The following DAB1 variants were observed in gnomAD, a reference collection of about 807,000 sequenced individuals.
DAB1 encodes the protein disabled homolog 1.
A neutral mutation model predicts 64.6 loss-of-function variants in DAB1; 15 were observed. The ratio of observed to expected loss-of-function variants is 0.23; its 90% CI spans 0.16 to 0.36. The LOEUF is 0.36. DAB1 is among the 10% of genes least tolerant of loss of function. The pLI is 1.00. For missense variants in DAB1, 596 were observed against 706.7 expected (o/e 0.84, Z 1.78); for synonymous variants, 235 against 251.9 (o/e 0.93, Z 0.64).
chr1:58,337,313 A>C (rs1663143494), intron 4 of DAB1, among the ~76,000 whole-genome samples: 1 of 151,960 alleles, frequency 6.6e-6, no homozygotes, highest in Non-Finnish European at 1.5e-5. Context: ...CAAAGTAAAA[A>C]ATAAAATAAC....
intron 2 of DAB1, among the ~76,000 whole-genome samples, chr1:57,227,522 TG>T (rs1390454375): frequency 6.1e-5 from 6 of 99,060 alleles, no homozygotes; most frequent in African/African-American, 3.5e-4. Flanking sequence ...TTTTCTTTTG[TG>T]TGTGTGTGTG....
At chr1:57,144,707 G>GA (rs375007760) in intron 3 of DAB1, among the ~76,000 whole-genome samples, 3,971 of 144,882 alleles carry the variant, frequency 0.027, 204 homozygotes, top group African/African-American at 0.096. Context: ...AAAAAAAAAA[G>GA]AAAAAAAAAA....
chr1:58,089,226 G>T (rs1650494743), intron 5 of DAB1, among the ~76,000 whole-genome samples: 1 of 152,210 alleles, frequency 6.6e-6, no homozygotes, highest in African/African-American at 2.4e-5. Flanking sequence ...AATTTTTGGG[G>T]GAAGACGTTA....
intron 4 of DAB1, among the ~76,000 whole-genome samples, chr1:58,314,031 T>A (rs897575246): frequency 1.3e-5 from 2 of 152,124 alleles, no homozygotes; most frequent in Non-Finnish European, 2.9e-5. Context: ...AATATCATAA[T>A]TTTTCTTTGC....
At chr1:57,741,590 C>T (rs1468736323) in intron 6 of DAB1, among the ~76,000 whole-genome samples, 1 of 152,196 alleles carries the variant, frequency 6.6e-6, no homozygotes, top group Non-Finnish European at 1.5e-5. Context: ...GAATAATGCT[C>T]AGCCATTTCT....
chr1:58,300,165 G>C (rs1273123311), intron 4 of DAB1, among the ~76,000 whole-genome samples: 1 of 152,132 alleles, frequency 6.6e-6, no homozygotes, highest in Non-Finnish European at 1.5e-5. Context: ...AGAAAAAGGG[G>C]CTTCTGGGAT....
chr1:57,273,705 C>T (rs975746507), intron 2 of DAB1, among the ~76,000 whole-genome samples: 1 of 150,694 alleles, frequency 6.6e-6, no homozygotes, highest in Non-Finnish European at 1.5e-5. Flanking sequence ...CCTAGCCGCC[C>T]CTGGCTGCTT....
chr1:58,408,059 A>C (rs338913), intron 3 of DAB1, among the ~76,000 whole-genome samples: 1 of 152,024 alleles, frequency 6.6e-6, no homozygotes, highest in Non-Finnish European at 1.5e-5. Context: ...CAGCAGCCTC[A>C]GCATCGCCTG....
intron 4 of DAB1, among the ~76,000 whole-genome samples, chr1:58,264,367 G>A (rs916613426): frequency 6.6e-5 from 10 of 152,184 alleles, no homozygotes; most frequent in African/African-American, 2.4e-4. Flanking sequence ...TGTCTGTAAT[G>A]TGTTGGCTTT....
intron 3 of DAB1, among the ~76,000 whole-genome samples, chr1:58,497,769 C>A (rs747026747): frequency 6.6e-6 from 1 of 152,162 alleles, no homozygotes; most frequent in African/African-American, 2.4e-5. Flanking sequence ...ACATAACAAA[C>A]CTTACCCTTG....
At chr1:58,219,025 C>CTCTCTGTGTGTG (rs376130413) in intron 4 of DAB1, among the ~76,000 whole-genome samples, 3 of 129,550 alleles carry the variant, frequency 2.3e-5, no homozygotes, top group African/African-American at 6.2e-5. Flanking sequence ...CTCTCTCTCT[C>CTCTCTGTGTGTG]TGTGTGTGTG....
At chr1:57,340,284 A>G (rs1677464909) in intron 1 of DAB1, among the ~76,000 whole-genome samples, 1 of 152,222 alleles carries the variant, frequency 6.6e-6, no homozygotes, top group Non-Finnish European at 1.5e-5. Context: ...AGGCAAATTA[A>G]TGCCTGTACA....
intron 7 of DAB1, among the ~76,000 whole-genome samples, chr1:57,637,090 T>C (rs1446681790): frequency 6.6e-6 from 1 of 152,138 alleles, no homozygotes; most frequent in African/African-American, 2.4e-5. Flanking sequence ...TCTTTGTGCT[T>C]TACTAATATT....
intron 3 of DAB1, among the ~76,000 whole-genome samples, chr1:58,489,774 G>T (rs1645645308): frequency 6.6e-6 from 1 of 152,094 alleles, no homozygotes; most frequent in South Asian, 2.1e-4. Flanking sequence ...CAGCAACATT[G>T]GCTGTTCACC....
At chr1:58,498,621 ACT>A (rs146558993) in intron 3 of DAB1, among the ~76,000 whole-genome samples, 2,498 of 152,166 alleles carry the variant, frequency 0.016, 53 homozygotes, top group East Asian at 0.12. Context: ...CAGAACAAAA[ACT>A]CTATAAAGGA....
intron 7 of DAB1, among the ~76,000 whole-genome samples, chr1:57,508,168 CT>C (rs1286362565): frequency 6.6e-6 from 1 of 152,188 alleles, no homozygotes; most frequent in African/African-American, 2.4e-5. Flanking sequence ...ATCTCTGCAA[CT>C]TTCCCCGAAC....
intron 1 of DAB1, among the ~76,000 whole-genome samples, chr1:57,298,586 C>T (rs1437035003): frequency 6.6e-6 from 1 of 152,080 alleles, no homozygotes; most frequent in East Asian, 1.9e-4. Context: ...ATATCTTAGC[C>T]TAACAGCTCA....
At chr1:58,502,445 A>C (rs539296960) in intron 3 of DAB1, among the ~76,000 whole-genome samples, 16 of 152,184 alleles carry the variant, frequency 1.1e-4, no homozygotes, top group Non-Finnish European at 2.2e-4. Flanking sequence ...GATGACTCTG[A>C]AACTCTGAAA....
At chr1:57,158,955 G>C (rs1370375381) in intron 2 of DAB1, among the ~76,000 whole-genome samples, 2 of 152,184 alleles carry the variant, frequency 1.3e-5, no homozygotes, top group Admixed American at 1.3e-4. Context: ...TCTGTAGAAA[G>C]TGAAGTGCTA....
Sources: allele counts gnomAD v4.1 joint callset (sites outside exome capture counted in the v4.1 genomes callset), GRCh38; gene constraint gnomAD v4.1.1; transcripts MANE v1.5; gene names NCBI Gene and HGNC (gene_info 2026-07-23, HGNC 2026-07-21).